Variants in PLA1A observed in about 807,000 individuals in gnomAD.
PLA1A encodes phosphatidylserine-specific phospholipase A1alpha.
PLA1A carries 47 observed loss-of-function variants against 49.4 expected under a neutral mutation model. The ratio of observed to expected loss-of-function variants is 0.95; its 90% CI spans 0.75 to 1.21. PLA1A has a LOEUF of 1.21. PLA1A is among the 50% of genes most tolerant of loss of function. The pLI, the probability that PLA1A is intolerant of heterozygous loss-of-function variation, is 0.00. For synonymous variants in PLA1A, 224 were observed against 207.9 expected (o/e 1.08, Z -0.67); for missense variants, 561 against 563.9 (o/e 0.99, Z 0.05).
intron 8 of PLA1A, among the ~76,000 whole-genome samples, chr3:119,622,858 G>A (rs688345): frequency 0.073 from 11,142 of 151,824 alleles, 1,386 homozygotes; most frequent in African/African-American, 0.25. Flanking sequence ...ACAGAGTCTC[G>A]CTCTGTCACC....
Position 119,628,874 on chromosome 3 carries a change from C to T in PLA1A, c.1286+9C>T, listed in dbSNP as rs751161387. Reference sequence around the variant, plus strand: ...TTGCCTGTCAATGACAGGTAAGCCCCAGTATTCACCTCTGCACCAGATGCA... The same window carrying T: ...TTGCCTGTCAATGACAGGTAAGCCCTAGTATTCACCTCTGCACCAGATGCA... On this transcript the variant is annotated intron_variant, in intron 10 of 10. Coordinates refer to ENST00000273371, the MANE Select transcript of PLA1A (RefSeq NM_015900.4). 6.2e-7 allele frequency: 1 copy of T among 1,610,070 alleles called. No homozygotes were observed. Among genetic ancestry groups the T allele is most frequent in the South Asian group, 1.1e-5 (1 of 90,882 alleles).
Position 119,603,654 on chromosome 3 carries a change from T to C in PLA1A, c.74-3120T>C, listed in dbSNP as rs6780032. On this transcript the variant is annotated intron_variant, in intron 1 of 10. Transcript: ENST00000273371. ...ATTTTTCCCTATTAAAAGGTAAACT[T>C]AGGCACATTAAAATTTTAAATAGTT... Among the ~76,000 whole-genome samples, 549 of 152,362 alleles carry C rather than the reference T, an allele frequency of 3.6e-3. 4 individuals carry two copies. The highest frequency in any genetic ancestry group is 0.012 in the African/African-American group (519 of 41,584).
At chr3:119,600,548 T>A in intron 1 of PLA1A, 1 of 616,754 alleles carries the variant, frequency 1.6e-6, no homozygotes, top group South Asian at 1.9e-5. Flanking sequence ...TGGCGTCTTC[T>A]TCATCCTTGA....
At chr3:119,607,311 A>G (rs1202633275) in intron 2 of PLA1A, among the ~76,000 whole-genome samples, 1 of 152,168 alleles carries the variant, frequency 6.6e-6, no homozygotes, top group African/African-American at 2.4e-5. Context: ...GACCTAAGAA[A>G]CTTCCATTTA....
intron 1 of PLA1A, chr3:119,600,139 G>C (rs2107772748): frequency 2.1e-6 from 1 of 487,418 alleles, no homozygotes; most frequent in Admixed American, 3.3e-5. Context: ...GATCGGGAGG[G>C]AGGAGGTTCA....
rs142153170 is a variant in PLA1A, at chr3:119,608,865, G to C, written c.371G>C (p.Gly124Ala). The change falls in exon 3 of 11, where the codon GGG becomes GCG. Residue 124 changes from glycine to alanine, a missense_variant. Gly to Ala is a moderately conservative substitution (Grantham distance 60). Coordinates refer to ENST00000273371, the MANE Select transcript of PLA1A (RefSeq NM_015900.4). ...GTGATTGCCGTGGACTGGATTTATGGGTCTACAGGAGTCTACTTCTCAGCT... is the reference window on the plus strand; with the variant it reads ...GTGATTGCCGTGGACTGGATTTATGCGTCTACAGGAGTCTACTTCTCAGCT... Reference protein sequence around the residue: ...ANVIAVDWIYGSTGVYFSAVK... With the variant: ...ANVIAVDWIYASTGVYFSAVK... The C allele has an allele frequency of 1.2e-4, 193 of 1,613,526 alleles. No homozygotes were observed. Among genetic ancestry groups the C allele is most frequent in the Non-Finnish European group, 1.5e-4 (174 of 1,179,576 alleles).
At chr3:119,606,216 G>A (rs1388244699) in intron 1 of PLA1A, among the ~76,000 whole-genome samples, 1 of 152,268 alleles carries the variant, frequency 6.6e-6, no homozygotes, top group African/African-American at 2.4e-5. Context: ...GATGTTGGCA[G>A]TGTTAGTTCC....
chr3:119,608,203 AAAGAAAG>A (rs1259685294), intron 2 of PLA1A, among the ~76,000 whole-genome samples: 1 of 5,606 alleles, frequency 1.8e-4, no homozygotes, highest in Non-Finnish European at 3.5e-4. Flanking sequence ...AAAGGAAAGA[AAAGAAAG>A]AAAGAAAGAA....
intron 8 of PLA1A, among the ~76,000 whole-genome samples, chr3:119,624,278 T>C (rs2082986418): frequency 6.6e-6 from 1 of 152,144 alleles, no homozygotes; most frequent in Non-Finnish European, 1.5e-5. Context: ...GGAGGTCAAA[T>C]AAGGGCCCTG....
intron 5 of PLA1A, 48 bp downstream of exon 5, chr3:119,613,166 C>A (rs748565180): frequency 1.6e-6 from 2 of 1,287,690 alleles, no homozygotes; most frequent in South Asian, 1.3e-5. Flanking sequence ...CTCAAGGCAG[C>A]GCCTAGGAGG....
intron 9 of PLA1A, among the ~76,000 whole-genome samples, chr3:119,626,047 A>G (rs2052531573): frequency 6.6e-6 from 1 of 152,220 alleles, no homozygotes; most frequent in Non-Finnish European, 1.5e-5. Flanking sequence ...TGAACTCATT[A>G]CAAGTGTGTT....
At chr3:119,615,200 G>A (rs1283106536) in intron 5 of PLA1A, among the ~76,000 whole-genome samples, 1 of 152,214 alleles carries the variant, frequency 6.6e-6, no homozygotes. Flanking sequence ...CTGGGCCTGA[G>A]CCAGTCTGAG....
intron 9 of PLA1A, among the ~76,000 whole-genome samples, chr3:119,627,300 T>C (rs1455879326): frequency 1.3e-5 from 2 of 152,218 alleles, no homozygotes; most frequent in Non-Finnish European, 2.9e-5. Context: ...CGCTAAGATT[T>C]CCTTCTAATT....
intron 1 of PLA1A, among the ~76,000 whole-genome samples, chr3:119,604,088 A>T (rs2082652283): frequency 1.3e-5 from 2 of 152,184 alleles, no homozygotes; most frequent in African/African-American, 4.8e-5. Flanking sequence ...TGTACTTTTC[A>T]TTGTGATTAT....
Position 119,628,856 on chromosome 3 carries a change from T to A in PLA1A, c.1277T>A (p.Val426Asp), listed in dbSNP as rs765775831. 4.3e-6 allele frequency: 7 copies of A among 1,613,830 alleles called. No individual in the cohort carries two copies. Among genetic ancestry groups the A allele is most frequent in the Non-Finnish European group, 5.9e-6 (7 of 1,179,718 alleles). ...IGKFCTALLP[V>D]NDREKMVCLP... ...AAGTTCTGCACTGCCCTTTTGCCTGTCAATGACAGGTAAGCCCCAGTATTC... is the reference window on the plus strand; with the variant it reads ...AAGTTCTGCACTGCCCTTTTGCCTGACAATGACAGGTAAGCCCCAGTATTC... Residue 426 changes from valine (V) to aspartate (D), a missense_variant, in exon 10 of 11, where the codon GTC (valine) becomes GAC (aspartate). Coordinates refer to ENST00000273371, the MANE Select transcript of PLA1A (RefSeq NM_015900.4).
intron 1 of PLA1A, among the ~76,000 whole-genome samples, chr3:119,603,906 G>T (rs1020562801): frequency 6.6e-6 from 1 of 152,218 alleles, no homozygotes. Flanking sequence ...CTAGGACACA[G>T]CTCTTCACTA....
intron 9 of PLA1A, among the ~76,000 whole-genome samples, chr3:119,627,252 T>C (rs781422544): frequency 2.6e-5 from 4 of 152,192 alleles, no homozygotes; most frequent in Non-Finnish European, 5.9e-5. Flanking sequence ...GGGGAGGTTA[T>C]GTGTGGTCTT....
chr3:119,628,377 A>G (rs1432393319), intron 9 of PLA1A, among the ~76,000 whole-genome samples: 1 of 152,282 alleles, frequency 6.6e-6, no homozygotes, highest in Non-Finnish European at 1.5e-5. Flanking sequence ...GGGTAATTAG[A>G]TCTGAAGGTG....
chr3:119,613,203 C>A, intron 5 of PLA1A, 85 bp downstream of exon 5: 1 of 826,966 alleles, frequency 1.2e-6, no homozygotes, highest in South Asian at 1.6e-5. Context: ...TGGCCCTGGG[C>A]AGAGATGCCC....
Sources: gnomAD v4.1 joint callset for allele counts (sites outside exome capture counted in the v4.1 genomes callset) on GRCh38, gnomAD v4.1.1 for gene constraint, MANE v1.5 for transcripts, NCBI Gene and HGNC (gene_info 2026-07-23, HGNC 2026-07-21) for gene names.